CTNNA3: variants seen among roughly 807,000 people sequenced by gnomAD.
CTNNA3 encodes the protein catenin alpha 3, also known as catenin alpha-3.
A neutral mutation model predicts 95.7 loss-of-function variants in CTNNA3; 76 were observed. That is an observed-to-expected ratio of 0.79 (90% CI 0.66 to 0.96). CTNNA3 has a LOEUF of 0.96. Ranked by LOEUF, CTNNA3 falls within the 40% of genes least tolerant of loss-of-function variation. The pLI is 0.00. For synonymous variants in CTNNA3, 431 were observed against 374.4 expected (o/e 1.15, Z -1.74); for missense variants, 1,191 against 1,089.8 (o/e 1.09, Z -1.31).
chr10:67,684,585 G>C (rs1840694123), intron 1 of CTNNA3, among the ~76,000 whole-genome samples: 1 of 152,160 alleles, frequency 6.6e-6, no homozygotes, highest in South Asian at 2.1e-4. Flanking sequence ...GCTACTTCCT[G>C]CTGGATAGGG....
intron 5 of CTNNA3, among the ~76,000 whole-genome samples, chr10:67,407,447 C>A (rs1845178786): frequency 6.6e-6 from 1 of 152,064 alleles, no homozygotes; most frequent in Non-Finnish European, 1.5e-5. Context: ...ATATGAGAAA[C>A]CCACAGCCAA....
intron 9 of CTNNA3, among the ~76,000 whole-genome samples, chr10:66,693,086 T>A (rs1447589448): frequency 6.6e-6 from 1 of 152,070 alleles, no homozygotes; most frequent in African/African-American, 2.4e-5. Flanking sequence ...AACATCACAA[T>A]GATAGGATCA....
chr10:66,437,840 A>G (rs573992129), intron 11 of CTNNA3, among the ~76,000 whole-genome samples: 2 of 152,056 alleles, frequency 1.3e-5, no homozygotes, highest in South Asian at 2.1e-4. Context: ...GGATTTATCT[A>G]CCTTTGGTCT....
At chr10:66,074,832 G>T (rs1220838947) in intron 14 of CTNNA3, among the ~76,000 whole-genome samples, 2 of 151,534 alleles carry the variant, frequency 1.3e-5, no homozygotes, top group African/African-American at 4.8e-5. Context: ...GTACTTTTTA[G>T]ATGTATTTTT....
chr10:66,823,998 T>G lies in CTNNA3; in HGVS notation c.1048-48474A>C, dbSNP rs558428403. 3.3e-5 allele frequency among the ~76,000 whole-genome samples: 5 copies of G among 151,932 alleles called. No homozygotes were observed. The South Asian group carries it at 1.0e-3, about 32-fold the overall frequency. ...AAAAGAAAGGAAAAAATGTGAATGT[T>G]CTTTCATTTGTCTCAAAGAAAGAAG... is the stretch of plus-strand genomic sequence containing the variant. On this transcript the variant is annotated intron_variant, in intron 7 of 17. Coordinates refer to ENST00000433211, the MANE Select transcript of CTNNA3 (RefSeq NM_013266.4).
chr10:66,547,171 C>A (rs1414582581), intron 10 of CTNNA3, among the ~76,000 whole-genome samples: 1 of 151,886 alleles, frequency 6.6e-6, no homozygotes, highest in Non-Finnish European at 1.5e-5. Context: ...CTTAAATCTT[C>A]TAGCCAGGAG....
At chr10:66,714,303 G>C (rs1848386090) in intron 9 of CTNNA3, among the ~76,000 whole-genome samples, 2 of 152,070 alleles carry the variant, frequency 1.3e-5, no homozygotes, top group African/African-American at 4.8e-5. Context: ...TTACGCCAAT[G>C]ACTACAATTA....
chr10:67,637,207 C>G (rs1022487442), intron 2 of CTNNA3, among the ~76,000 whole-genome samples: 1 of 152,168 alleles, frequency 6.6e-6, no homozygotes, highest in African/African-American at 2.4e-5. Flanking sequence ...ACTAGAACTA[C>G]GTGACGAATG....
At chr10:66,506,899 T>C (rs111240590) in intron 11 of CTNNA3, among the ~76,000 whole-genome samples, 186 of 152,302 alleles carry the variant, frequency 1.2e-3, no homozygotes, top group African/African-American at 4.3e-3. Flanking sequence ...GTTATAATTA[T>C]ATTGTATAAT....
At chr10:67,428,734 C>T (rs1839875916) in intron 5 of CTNNA3, among the ~76,000 whole-genome samples, 1 of 151,876 alleles carries the variant, frequency 6.6e-6, no homozygotes, top group African/African-American at 2.4e-5. Context: ...ATCTGGTGGG[C>T]ACAATCTAAT....
At chr10:66,874,229 A>G (rs1450337957) in intron 7 of CTNNA3, among the ~76,000 whole-genome samples, 1 of 152,148 alleles carries the variant, frequency 6.6e-6, no homozygotes, top group Non-Finnish European at 1.5e-5. Context: ...GGGTACAAAC[A>G]TAGTGATGAA....
At chr10:67,030,417 G>C (rs1853641471) in intron 7 of CTNNA3, among the ~76,000 whole-genome samples, 1 of 151,870 alleles carries the variant, frequency 6.6e-6, no homozygotes, top group African/African-American at 2.4e-5. Context: ...AAAAATTTAG[G>C]CCCTGTTGTG....
intron 10 of CTNNA3, among the ~76,000 whole-genome samples, chr10:66,599,542 G>T (rs552984120): frequency 6.6e-6 from 1 of 151,916 alleles, no homozygotes; most frequent in African/African-American, 2.4e-5. Flanking sequence ...AATATTTCTT[G>T]TTACACAACA....
chr10:66,549,170 T>C (rs1465003012), intron 10 of CTNNA3, among the ~76,000 whole-genome samples: 1 of 151,662 alleles, frequency 6.6e-6, no homozygotes. Context: ...ATTTTTTGTA[T>C]TTTTTAGTAG....
chr10:67,175,665 G>T (rs1197862238), intron 7 of CTNNA3, among the ~76,000 whole-genome samples: 5 of 152,066 alleles, frequency 3.3e-5, no homozygotes, highest in African/African-American at 9.7e-5. Flanking sequence ...CTCTCACTCA[G>T]TTCTAATAAT....
chr10:67,566,058 T>TATAC lies in CTNNA3; in HGVS notation c.293-26390_293-26389insGTAT, dbSNP rs1554854506. Among the ~76,000 whole-genome samples the TATAC allele has an allele frequency of 2.3e-5, 2 of 85,584 alleles. 1 individual carries two copies. Among genetic ancestry groups the TATAC allele is most frequent in the East Asian group, 1.7e-3 (2 of 1,156 alleles). 56.1% of individuals were successfully genotyped at this position (85,584 alleles called of 152,430 possible). On this transcript the variant is annotated intron_variant, in intron 3 of 17. Coordinates refer to ENST00000433211, the MANE Select transcript of CTNNA3 (RefSeq NM_013266.4). ...ATGTGTGTGTGTATATATATATATA[T>TATAC]ATATATATATATATACAAAACCTAG... is the stretch of plus-strand genomic sequence containing the variant.
intron 1 of CTNNA3, among the ~76,000 whole-genome samples, chr10:67,701,628 C>T (rs936944552): frequency 1.3e-5 from 2 of 152,142 alleles, no homozygotes; most frequent in Non-Finnish European, 2.9e-5. Flanking sequence ...GAAGGAAGCA[C>T]TAAACATGGA....
chr10:66,920,833 T>C (rs1006117532), intron 7 of CTNNA3, among the ~76,000 whole-genome samples: 5 of 152,194 alleles, frequency 3.3e-5, no homozygotes, highest in Non-Finnish European at 7.3e-5. Context: ...ATTTCATACC[T>C]CCACTTCTAT....
chr10:66,504,628 C>T lies in CTNNA3; in HGVS notation c.1531+15989G>A, dbSNP rs184535952. Among the ~76,000 whole-genome samples, 33 of 152,186 alleles carry T rather than the reference C, an allele frequency of 2.2e-4. 1 individual carries two copies. Among genetic ancestry groups the T allele is most frequent in the African/African-American group, 7.2e-4 (30 of 41,538 alleles). ...GCAAGGAGAAAATTTCCCTGTAATCCTTCATCTAATCTATAAAATATCCTA... is the reference window on the plus strand; with the variant it reads ...GCAAGGAGAAAATTTCCCTGTAATCTTTCATCTAATCTATAAAATATCCTA... On this transcript the variant is annotated intron_variant, in intron 11 of 17. Coordinates refer to ENST00000433211, the MANE Select transcript of CTNNA3 (RefSeq NM_013266.4).
Sources: gnomAD v4.1 joint callset for allele counts (sites outside exome capture counted in the v4.1 genomes callset) on GRCh38, gnomAD v4.1.1 for gene constraint, MANE v1.5 for transcripts, NCBI Gene and HGNC (gene_info 2026-07-23, HGNC 2026-07-21) for gene names.